Variants in LRFN5 observed in about 807,000 individuals in gnomAD.
LRFN5 encodes leucine-rich repeat and fibronectin type-III domain-containing protein 5.
LRFN5 carries 24 observed loss-of-function variants against 45.6 expected under a neutral mutation model. The ratio of observed to expected loss-of-function variants is 0.53; its 90% CI spans 0.38 to 0.74. LRFN5 has a LOEUF of 0.74. Ranked by LOEUF, LRFN5 falls within the 30% of genes least tolerant of loss-of-function variation. The pLI is 0.00. For missense variants in LRFN5, 776 were observed against 861.5 expected (o/e 0.90, Z 1.24); for synonymous variants, 340 against 313.8 (o/e 1.08, Z -0.88).
At chr14:41,718,920 A>G (rs981173259) in intron 1 of LRFN5, among the ~76,000 whole-genome samples, 3 of 152,162 alleles carry the variant, frequency 2.0e-5, no homozygotes, top group African/African-American at 7.2e-5. Flanking sequence ...TCTTGCAGCA[A>G]ATAGGAATGA....
chr14:41,615,656 G>C (rs1887903525), intron 1 of LRFN5, among the ~76,000 whole-genome samples: 1 of 152,072 alleles, frequency 6.6e-6, no homozygotes, highest in East Asian at 1.9e-4. Flanking sequence ...TTGGAGCAGA[G>C]AAAGCAAGAA....
chr14:41,695,979 T>G (rs982421893), intron 1 of LRFN5, among the ~76,000 whole-genome samples: 2 of 151,912 alleles, frequency 1.3e-5, no homozygotes, highest in African/African-American at 2.4e-5. Context: ...TGGAAAAGAT[T>G]AACCCTTCTA....
chr14:41,752,803 C>T (rs1216473499), intron 1 of LRFN5, among the ~76,000 whole-genome samples: 1 of 152,094 alleles, frequency 6.6e-6, no homozygotes, highest in Admixed American at 6.6e-5. Flanking sequence ...GCTTTTGTTG[C>T]CATTGCTTTT....
intron 1 of LRFN5, among the ~76,000 whole-genome samples, chr14:41,692,372 A>G (rs1014041353): frequency 2.0e-5 from 3 of 152,074 alleles, no homozygotes; most frequent in Admixed American, 2.0e-4. Context: ...AAAGATATAT[A>G]CAGTAGATAT....
chr14:41,751,169 C>T (rs901678325), intron 1 of LRFN5, among the ~76,000 whole-genome samples: 11 of 152,154 alleles, frequency 7.2e-5, no homozygotes, highest in African/African-American at 2.7e-4. Flanking sequence ...CTAGGGCCCT[C>T]CCTCAACACA....
chr14:41,858,833 C>T (rs1239723769), intron 2 of LRFN5, among the ~76,000 whole-genome samples: 1 of 152,120 alleles, frequency 6.6e-6, no homozygotes, highest in Non-Finnish European at 1.5e-5. Flanking sequence ...CTTATTTGGG[C>T]TCTCCAGGCA....
intron 2 of LRFN5, among the ~76,000 whole-genome samples, chr14:41,853,227 G>T (rs1311414524): frequency 6.6e-6 from 1 of 151,912 alleles, no homozygotes; most frequent in Non-Finnish European, 1.5e-5. Flanking sequence ...AGAGATCAAT[G>T]CATATTTTAT....
At chr14:41,616,455 A>G (rs1341284095) in intron 1 of LRFN5, among the ~76,000 whole-genome samples, 2 of 152,126 alleles carry the variant, frequency 1.3e-5, no homozygotes, top group Admixed American at 1.3e-4. Flanking sequence ...AGTCTTGATG[A>G]CATTCTCACA....
intron 2 of LRFN5, among the ~76,000 whole-genome samples, chr14:41,876,088 C>A (rs1386328382): frequency 1.3e-5 from 2 of 152,010 alleles, no homozygotes; most frequent in Non-Finnish European, 2.9e-5. Context: ...AATCTCACCC[C>A]GACTATGTCA....
chr14:41,637,554 T>G (rs2138590663), intron 1 of LRFN5, among the ~76,000 whole-genome samples: 1 of 152,246 alleles, frequency 6.6e-6, no homozygotes, highest in Non-Finnish European at 1.5e-5. Context: ...CACAGCGCAG[T>G]AGTTAGAATT....
rs376907435 is a variant in LRFN5, at chr14:41,839,656, A to G, written c.-20-46950A>G. On this transcript the variant is annotated intron_variant, in intron 2 of 5. Coordinates refer to ENST00000298119, the MANE Select transcript of LRFN5 (RefSeq NM_152447.5). ...AGCCATTGATTTTCTTTATAAGAAT[A>G]ATAGCTGTAAAATTTGTGAGAAAGA... Among the ~76,000 whole-genome samples, 139 of 152,272 alleles carry G rather than the reference A, an allele frequency of 9.1e-4. 4 individuals carry two copies. The South Asian group carries it at 0.022, about 24-fold the overall frequency.
chr14:41,704,448 C>CTGTGTGTGTGTGTGTGTGTGTGTGTGTG lies in LRFN5; in HGVS notation c.-196-62393_-196-62392insGTGTGTGTGTGTGTGTGTGTGTGTGTGT, dbSNP rs59129586. ...TCTCTCTCTCTCTCTCTCTCTCTCT[C>CTGTGTGTGTGTGTGTGTGTGTGTGTGTG]TGTGTGTGTGTGTCTGTGAGATTTG... On this transcript the variant is annotated intron_variant, in intron 1 of 5. Coordinates refer to ENST00000298119, the MANE Select transcript of LRFN5 (RefSeq NM_152447.5). 8.2e-4 allele frequency among the ~76,000 whole-genome samples: 102 copies of CTGTGTGTGTGTGTGTGTGTGTGTGTGTG among 124,284 alleles called. 2 individuals are homozygous for CTGTGTGTGTGTGTGTGTGTGTGTGTGTG. Among genetic ancestry groups the CTGTGTGTGTGTGTGTGTGTGTGTGTGTG allele is most frequent in the African/African-American group, 3.7e-3 (95 of 25,956 alleles). The allele number at this position is 124,284 out of a possible 152,430, so 81.5% of individuals were successfully genotyped here.
At chr14:41,737,730 G>A (rs988412582) in intron 1 of LRFN5, among the ~76,000 whole-genome samples, 2 of 152,048 alleles carry the variant, frequency 1.3e-5, no homozygotes, top group Non-Finnish European at 2.9e-5. Flanking sequence ...CAAATCATGA[G>A]TGAACTCCCA....
intron 1 of LRFN5, among the ~76,000 whole-genome samples, chr14:41,678,259 C>CATACAT (rs200262029): frequency 0.017 from 2,585 of 151,514 alleles, 67 homozygotes; most frequent in African/African-American, 0.058. Flanking sequence ...TACATACATA[C>CATACAT]ATACATATAC....
chr14:41,860,427 A>G (rs1889620555), intron 2 of LRFN5, among the ~76,000 whole-genome samples: 1 of 152,220 alleles, frequency 6.6e-6, no homozygotes, highest in Non-Finnish European at 1.5e-5. Context: ...AAACAAAAAT[A>G]AATATAACCA....
chr14:41,758,361 T>G (rs1460408076), intron 1 of LRFN5, among the ~76,000 whole-genome samples: 1 of 152,212 alleles, frequency 6.6e-6, no homozygotes, highest in Non-Finnish European at 1.5e-5. Flanking sequence ...TAGAGACAAT[T>G]AATCCCTTAT....
chr14:41,661,603 A>G (rs1159602797), intron 1 of LRFN5, among the ~76,000 whole-genome samples: 3 of 152,108 alleles, frequency 2.0e-5, no homozygotes, highest in South Asian at 2.1e-4. Context: ...CATAGTCCTT[A>G]TGACTGAAGA....
intron 2 of LRFN5, among the ~76,000 whole-genome samples, chr14:41,780,747 C>T (rs1228294052): frequency 6.6e-6 from 1 of 151,736 alleles, no homozygotes; most frequent in African/African-American, 2.4e-5. Context: ...TTTTTAGTTT[C>T]TTTAATTTTT....
intron 2 of LRFN5, among the ~76,000 whole-genome samples, chr14:41,839,399 T>A (rs774299676): frequency 6.6e-6 from 1 of 152,060 alleles, no homozygotes; most frequent in Non-Finnish European, 1.5e-5. Flanking sequence ...GTATATTTGA[T>A]CCTTAAGATA....
Sources: allele counts gnomAD v4.1 joint callset (sites outside exome capture counted in the v4.1 genomes callset), GRCh38; gene constraint gnomAD v4.1.1; transcripts MANE v1.5; gene names NCBI Gene and HGNC (gene_info 2026-07-23, HGNC 2026-07-21).